Variants in RASAL2 observed in about 807,000 individuals in gnomAD.
RASAL2 encodes ras GTPase-activating protein nGAP.
In RASAL2, 58 loss-of-function variants were observed where a neutral mutation model predicts 128.9. The ratio of observed to expected loss-of-function variants is 0.45; its 90% CI spans 0.36 to 0.56. RASAL2 has a LOEUF of 0.56. RASAL2 is among the 20% of genes least tolerant of loss of function. The pLI is 0.00. For missense variants in RASAL2, 1,360 were observed against 1,601.6 expected (o/e 0.85, Z 2.57); for synonymous variants, 561 against 580.8 (o/e 0.97, Z 0.49).
chr1:178,445,317 A>G (rs1676925132), intron 8 of RASAL2, among the ~76,000 whole-genome samples: 1 of 152,196 alleles, frequency 6.6e-6, no homozygotes, highest in Non-Finnish European at 1.5e-5. Flanking sequence ...CAAAAGTGCA[A>G]TGGAAAATCT....
intron 1 of RASAL2, among the ~76,000 whole-genome samples, chr1:178,191,304 G>T (rs930956710): frequency 5.9e-5 from 9 of 151,674 alleles, no homozygotes; most frequent in Admixed American, 2.6e-4. Context: ...TCAGTATGTT[G>T]TGAGCCAATA....
intron 1 of RASAL2, among the ~76,000 whole-genome samples, chr1:178,112,462 A>G (rs1659362841): frequency 6.6e-6 from 1 of 152,022 alleles, no homozygotes; most frequent in African/African-American, 2.4e-5. Context: ...AGGCAGGAGA[A>G]TTGCTTGAAC....
intron 3 of RASAL2, chr1:178,372,233 GCTGGAGAATGAGTCTCCTTTC>G: frequency 3.0e-6 from 3 of 985,208 alleles, no homozygotes; most frequent in Middle Eastern, 5.2e-4. Context: ...AAGTTTTCTG[GCTGGAGAATGAGTCTCCTTTC>G]CCCCGGTGAT....
At chr1:178,192,091 C>G (rs1372412850) in intron 1 of RASAL2, among the ~76,000 whole-genome samples, 1 of 152,118 alleles carries the variant, frequency 6.6e-6, no homozygotes, top group East Asian at 1.9e-4. Flanking sequence ...CTTAAGAGAA[C>G]TTGCTAGCAA....
chr1:178,168,274 C>CAAAAAAAAAAA (rs542156463), intron 1 of RASAL2, among the ~76,000 whole-genome samples: 1 of 125,076 alleles, frequency 8.0e-6, no homozygotes. Context: ...TGTGAGAAGC[C>CAAAAAAAAAAA]AAAAAAAAAA....
intron 2 of RASAL2, among the ~76,000 whole-genome samples, chr1:178,296,548 A>C (rs1350785471): frequency 6.6e-6 from 1 of 151,154 alleles, no homozygotes; most frequent in Non-Finnish European, 1.5e-5. Context: ...TATTTTTTTA[A>C]AGATGGGGGA....
At chr1:178,198,275 C>CAT (rs1662743833) in intron 1 of RASAL2, among the ~76,000 whole-genome samples, 1 of 152,164 alleles carries the variant, frequency 6.6e-6, no homozygotes, top group African/African-American at 2.4e-5. Context: ...TGAGGAATTG[C>CAT]CACACTGTCT....
chr1:178,342,146 A>G (rs1261612813), intron 3 of RASAL2, among the ~76,000 whole-genome samples: 3 of 152,194 alleles, frequency 2.0e-5, no homozygotes, highest in African/African-American at 7.2e-5. Flanking sequence ...ATTTTTGCCC[A>G]AGGTAGGCTT....
chr1:178,327,120 A>G (rs995607510), intron 3 of RASAL2, among the ~76,000 whole-genome samples: 8 of 152,262 alleles, frequency 5.3e-5, no homozygotes, highest in South Asian at 2.1e-4. Context: ...AAAATCATCA[A>G]ACTCTTAAAA....
At chr1:178,414,152 T>C (rs1674596538) in intron 4 of RASAL2, among the ~76,000 whole-genome samples, 1 of 152,174 alleles carries the variant, frequency 6.6e-6, no homozygotes, top group African/African-American at 2.4e-5. Context: ...ATATCCTAAA[T>C]TGAAAAGTAT....
intron 2 of RASAL2, among the ~76,000 whole-genome samples, chr1:178,290,918 C>T (rs574827493): frequency 2.5e-4 from 38 of 152,172 alleles, no homozygotes; most frequent in South Asian, 2.5e-3. Context: ...CCTCGTGATC[C>T]GCCTGCCTCA....
At chr1:178,299,754 C>T (rs1353728716) in intron 2 of RASAL2, among the ~76,000 whole-genome samples, 1 of 152,174 alleles carries the variant, frequency 6.6e-6, no homozygotes, top group Non-Finnish European at 1.5e-5. Flanking sequence ...CTCAGCCTCC[C>T]AAAGTGCTGG....
chr1:178,420,475 G>A (rs754027383), intron 4 of RASAL2, 36 bp from the exon 5 acceptor site: 3 of 1,440,966 alleles, frequency 2.1e-6, no homozygotes, highest in Non-Finnish European at 2.9e-6. Flanking sequence ...TTCCCTTTTG[G>A]TTCTCTCTCC....
At chr1:178,451,265 A>G (rs1677357315) in intron 9 of RASAL2, among the ~76,000 whole-genome samples, 1 of 152,200 alleles carries the variant, frequency 6.6e-6, no homozygotes, top group Non-Finnish European at 1.5e-5. Flanking sequence ...GTACTAATTA[A>G]ACATATATTT....
intron 1 of RASAL2, among the ~76,000 whole-genome samples, chr1:178,142,978 G>A (rs1057372916): frequency 1.3e-5 from 2 of 151,988 alleles, no homozygotes; most frequent in Admixed American, 1.3e-4. Context: ...TCCTGAAGGA[G>A]CTTAGTGATA....
At chr1:178,385,476 C>T (rs1672512146) in intron 3 of RASAL2, among the ~76,000 whole-genome samples, 1 of 151,848 alleles carries the variant, frequency 6.6e-6, no homozygotes, top group South Asian at 2.1e-4. Context: ...AAGTGTATAT[C>T]TATGGACTTT....
chr1:178,128,558 A>T lies in RASAL2; in HGVS notation c.202+33864A>T, dbSNP rs1231523082. On this transcript the variant is annotated intron_variant, in intron 1 of 17. Coordinates refer to ENST00000367649, the MANE Select transcript of RASAL2 (RefSeq NM_170692.4). ...CTTTATTGAGGTGTAATTTATGTAC[A>T]TAAAATTCATTCATTGTAATTGTAC... 4.6e-5 allele frequency among the ~76,000 whole-genome samples: 7 copies of T among 152,212 alleles called. No homozygotes were observed. In the East Asian group the frequency reaches 1.3e-3, roughly 29 times the overall value.
intron 1 of RASAL2, among the ~76,000 whole-genome samples, chr1:178,193,631 A>G (rs955920422): frequency 6.6e-6 from 1 of 151,978 alleles, no homozygotes; most frequent in Non-Finnish European, 1.5e-5. Flanking sequence ...CAGCTAGCAC[A>G]GGTAGTTGAT....
intron 14 of RASAL2, among the ~76,000 whole-genome samples, chr1:178,462,409 T>C (rs1193049873): frequency 1.3e-5 from 2 of 151,928 alleles, no homozygotes; most frequent in Non-Finnish European, 2.9e-5. Context: ...AAGAACTGTA[T>C]GATATGATGC....
Sources: allele counts gnomAD v4.1 joint callset (sites outside exome capture counted in the v4.1 genomes callset), GRCh38; gene constraint gnomAD v4.1.1; transcripts MANE v1.5; gene names NCBI Gene and HGNC (gene_info 2026-07-23, HGNC 2026-07-21).